GABBR2: variants seen among roughly 807,000 people sequenced by gnomAD.
The protein encoded by GABBR2 is G-protein coupled receptor 51.
Under a neutral mutation model 105.6 loss-of-function variants are expected in GABBR2, and 23 were observed. That is an observed-to-expected ratio of 0.22 (90% CI 0.16 to 0.31). The LOEUF (loss-of-function observed/expected upper bound fraction) is 0.31. GABBR2 is among the 10% of genes least tolerant of loss of function. The probability of loss-of-function intolerance (pLI) is 1.00; values close to 1 mark genes in which losing one functional copy is unlikely to be tolerated. For missense variants in GABBR2, 734 were observed against 1,245.5 expected, an observed-to-expected ratio of 0.59 and a Z score of 6.18; for synonymous variants, 478 against 499.7, an observed-to-expected ratio of 0.96 and a Z score of 0.58.
At chr9:98,683,799 G>A (rs1417371419) in intron 1 of GABBR2, among the ~76,000 whole-genome samples, 4 of 151,912 alleles carry the variant, frequency 2.6e-5, no homozygotes, top group East Asian at 2.0e-4. Context: ...CACAAGGTCA[G>A]GAGATTGAGA....
intron 13 of GABBR2, among the ~76,000 whole-genome samples, chr9:98,361,914 T>C (rs937998851): frequency 6.6e-6 from 1 of 152,270 alleles, no homozygotes; most frequent in Non-Finnish European, 1.5e-5. Context: ...TAAAAGGCTC[T>C]GCCCTCAGTG....
At position 98,454,459 on chromosome 9, in the gene GABBR2, G is replaced by C. The variant is rs1282606660; in HGVS notation, c.1000-242C>G. ...ACTTGCTTAGTTCCACAAAGCTAGT[G>C]AGTGACAAGACTGAGATTTAAACTG... is the stretch of plus-strand genomic sequence containing the variant. On this transcript the variant is annotated intron_variant, in intron 6 of 18. Coordinates refer to ENST00000259455, the MANE Select transcript of GABBR2 (RefSeq NM_005458.8). This position sits in a 1 kb window ranked among gnomAD's most constrained non-coding sequence, Gnocchi z 4.6. 6.6e-6 allele frequency among the ~76,000 whole-genome samples: 1 copy of C among 152,156 alleles called. No individual in the cohort carries two copies. Among genetic ancestry groups the C allele is most frequent in the Non-Finnish European group, 1.5e-5 (1 of 68,042 alleles).
chr9:98,463,921 C>G (rs992462844), intron 6 of GABBR2, among the ~76,000 whole-genome samples: 17 of 152,350 alleles, frequency 1.1e-4, no homozygotes, highest in African/African-American at 3.8e-4. Flanking sequence ...CAGATGGAGT[C>G]TCGCTCACTC....
intron 1 of GABBR2, among the ~76,000 whole-genome samples, chr9:98,694,336 CT>C (rs1329892517): frequency 1.3e-5 from 2 of 152,242 alleles, no homozygotes; most frequent in Non-Finnish European, 2.9e-5. Flanking sequence ...CCTGAGACCC[CT>C]GATCAATAGC....
At chr9:98,598,163 C>G (rs561333117) in intron 1 of GABBR2, among the ~76,000 whole-genome samples, 92 of 152,298 alleles carry the variant, frequency 6.0e-4, no homozygotes, top group African/African-American at 2.1e-3. Context: ...CTAAGCTAGG[C>G]TCATTCAATG....
intron 4 of GABBR2, among the ~76,000 whole-genome samples, chr9:98,483,595 T>C (rs1318783456): frequency 1.3e-5 from 2 of 152,246 alleles, no homozygotes; most frequent in Non-Finnish European, 2.9e-5. Flanking sequence ...GCCTTGGCAG[T>C]GAGTCCTAAA....
chr9:98,353,603 T>G (rs754961452), intron 13 of GABBR2, among the ~76,000 whole-genome samples: 47 of 152,202 alleles, frequency 3.1e-4, no homozygotes, highest in Non-Finnish European at 5.4e-4. Context: ...TCAAAATTAT[T>G]CCTTGATCCA....
intron 1 of GABBR2, among the ~76,000 whole-genome samples, chr9:98,667,917 A>G (rs1830357253): frequency 6.6e-6 from 1 of 152,182 alleles, no homozygotes; most frequent in Non-Finnish European, 1.5e-5. Flanking sequence ...TGAACAACTG[A>G]GTCCTTTACT....
intron 1 of GABBR2, among the ~76,000 whole-genome samples, chr9:98,629,619 C>T (rs1306957631): frequency 6.6e-6 from 1 of 152,202 alleles, no homozygotes; most frequent in Non-Finnish European, 1.5e-5. Flanking sequence ...CATTTGGGGT[C>T]ACCCCTTCCC....
At chr9:98,430,911 T>G (rs965354418) in intron 7 of GABBR2, among the ~76,000 whole-genome samples, 5 of 151,716 alleles carry the variant, frequency 3.3e-5, no homozygotes, top group Non-Finnish European at 7.4e-5. Flanking sequence ...GTCTGAAAAC[T>G]GTCATTTCAC....
intron 6 of GABBR2, among the ~76,000 whole-genome samples, chr9:98,463,731 G>A (rs1445546968): frequency 2.0e-5 from 3 of 151,914 alleles, no homozygotes; most frequent in African/African-American, 7.3e-5. Flanking sequence ...CCTGCCTCGG[G>A]CTCCGGTGAT....
At chr9:98,578,320 C>G (rs894468994) in intron 1 of GABBR2, among the ~76,000 whole-genome samples, 1 of 152,160 alleles carries the variant, frequency 6.6e-6, no homozygotes, top group Non-Finnish European at 1.5e-5. Context: ...AGCACCCCAG[C>G]TATCTCCCTT....
At chr9:98,315,386 C>T (rs1830697549) in intron 13 of GABBR2, among the ~76,000 whole-genome samples, 1 of 152,224 alleles carries the variant, frequency 6.6e-6, no homozygotes, top group Admixed American at 6.5e-5. Context: ...CATGCAGCCC[C>T]ATCTCCCTGT....
chr9:98,585,338 G>GT (rs1490806786), intron 1 of GABBR2, among the ~76,000 whole-genome samples: 1 of 151,652 alleles, frequency 6.6e-6, no homozygotes, highest in African/African-American at 2.4e-5. Flanking sequence ...CATGTCCTTT[G>GT]TAGGGACATG....
intron 3 of GABBR2, among the ~76,000 whole-genome samples, chr9:98,514,812 A>C (rs1028006484): frequency 3.3e-5 from 5 of 152,200 alleles, no homozygotes; most frequent in African/African-American, 1.2e-4. Context: ...TAATAATTAA[A>C]AAACCATTCC....
chr9:98,657,822 G>A (rs948292968), intron 1 of GABBR2, among the ~76,000 whole-genome samples: 1 of 152,264 alleles, frequency 6.6e-6, no homozygotes, highest in Admixed American at 6.5e-5. Context: ...GTTTTTAAGT[G>A]TCTAGCATTT....
intron 3 of GABBR2, among the ~76,000 whole-genome samples, chr9:98,529,968 G>T (rs752044089): frequency 6.6e-6 from 1 of 152,170 alleles, no homozygotes; most frequent in Admixed American, 6.5e-5. Flanking sequence ...TTTCCTGAAG[G>T]TTCCACACAC....
intron 1 of GABBR2, among the ~76,000 whole-genome samples, chr9:98,625,560 T>A (rs1455767234): frequency 6.6e-6 from 1 of 152,082 alleles, no homozygotes; most frequent in Non-Finnish European, 1.5e-5. Flanking sequence ...TGATATCCCC[T>A]CGCCAGGCTG....
chr9:98,411,173 TG>T (rs1312193602), intron 7 of GABBR2, among the ~76,000 whole-genome samples: 1 of 152,238 alleles, frequency 6.6e-6, no homozygotes, highest in African/African-American at 2.4e-5. Context: ...AAAGAGATGT[TG>T]CTAACGTCAA....
Sources: allele counts gnomAD v4.1 joint callset (sites outside exome capture counted in the v4.1 genomes callset), GRCh38; gene constraint gnomAD v4.1.1; non-coding constraint Gnocchi (gnomAD v3.1); transcripts MANE v1.5; gene names NCBI Gene and HGNC (gene_info 2026-07-23, HGNC 2026-07-21).